EFCAB11: variants seen among roughly 807,000 people sequenced by gnomAD.
EFCAB11 encodes the protein EF-hand calcium-binding domain-containing protein 11.
A neutral mutation model predicts 23.0 loss-of-function variants in EFCAB11; 14 were observed. The observed-to-expected ratio is 0.61, with a 90% confidence interval of 0.40 to 0.95. The LOEUF (loss-of-function observed/expected upper bound fraction) is 0.95, where lower values mean the gene tolerates loss of function less well. Among genes scored for constraint, EFCAB11 ranks in the 40% least tolerant of loss-of-function variants. EFCAB11 has a pLI of 0.00. For missense variants in EFCAB11, 198 were observed against 195.8 expected, an observed-to-expected ratio of 1.01 and a Z score of -0.07; for synonymous variants, 65 against 66.6, an observed-to-expected ratio of 0.98 and a Z score of 0.11.
At chr14:89,914,760 G>A (rs1889783308) in intron 5 of EFCAB11, among the ~76,000 whole-genome samples, 1 of 152,020 alleles carries the variant, frequency 6.6e-6, no homozygotes, top group East Asian at 1.9e-4. Flanking sequence ...ACTCCAGCCT[G>A]GGCAACAGAG....
intron 5 of EFCAB11, among the ~76,000 whole-genome samples, chr14:89,870,865 G>A (rs1029831651): frequency 6.6e-5 from 10 of 152,018 alleles, no homozygotes; most frequent in East Asian, 1.9e-4. Context: ...GCTTGAACCC[G>A]GGAAGTGGAG....
At chr14:89,899,377 C>G (rs1267251778) in intron 5 of EFCAB11, among the ~76,000 whole-genome samples, 1 of 152,072 alleles carries the variant, frequency 6.6e-6, no homozygotes, top group Non-Finnish European at 1.5e-5. Flanking sequence ...CCAGGGAGAC[C>G]CCATTTACAT....
rs529564703 is a variant in EFCAB11, at chr14:89,862,321, T to A, written c.411-64997A>T. Among the ~76,000 whole-genome samples, 47 of 152,352 alleles carry A rather than the reference T, an allele frequency of 3.1e-4. No homozygotes were observed. The South Asian group carries it at 3.9e-3, about 13-fold the overall frequency. ...AACAGATACTAAAAGCATTTTTTTT[T>A]ATTAGAAAAACCACTGGGACAAAAA... On this transcript the variant is annotated intron_variant, in intron 5 of 5. Coordinates refer to ENST00000316738, the MANE Select transcript of EFCAB11 (RefSeq NM_145231.4).
chr14:89,914,640 C>T (rs1210285867), intron 5 of EFCAB11, among the ~76,000 whole-genome samples: 1 of 151,940 alleles, frequency 6.6e-6, no homozygotes, highest in Non-Finnish European at 1.5e-5. Flanking sequence ...CAAAAATTAC[C>T]CGGGCATGGT....
chr14:89,877,618 T>G (rs1888480973), intron 5 of EFCAB11, among the ~76,000 whole-genome samples: 2 of 152,316 alleles, frequency 1.3e-5, no homozygotes, highest in Admixed American at 1.3e-4. Flanking sequence ...CAGGCAGAAC[T>G]TTTTCTGTCA....
chr14:89,810,697 A>C (rs1886122339), intron 5 of EFCAB11, among the ~76,000 whole-genome samples: 1 of 149,546 alleles, frequency 6.7e-6, no homozygotes, highest in Non-Finnish European at 1.5e-5. Context: ...CAAAGGTTGC[A>C]GTGAGCTGAG....
intron 5 of EFCAB11, among the ~76,000 whole-genome samples, chr14:89,881,700 G>A (rs903812853): frequency 2.0e-5 from 3 of 151,214 alleles, no homozygotes; most frequent in Non-Finnish European, 4.4e-5. Context: ...TACCCACCTT[G>A]GCCTCACAAA....
At chr14:89,948,319 A>G (rs1566825071) in intron 3 of EFCAB11, among the ~76,000 whole-genome samples, 1 of 152,214 alleles carries the variant, frequency 6.6e-6, no homozygotes, top group Non-Finnish European at 1.5e-5. Context: ...TTTTATCCAA[A>G]AGACAGGTAA....
At chr14:89,845,878 A>C (rs1205096998) in intron 5 of EFCAB11, among the ~76,000 whole-genome samples, 1 of 152,144 alleles carries the variant, frequency 6.6e-6, no homozygotes, top group African/African-American at 2.4e-5. Context: ...CTTCCTTCAC[A>C]AACAGGAATA....
chr14:89,890,314 C>A (rs1378989694), intron 5 of EFCAB11, among the ~76,000 whole-genome samples: 1 of 151,912 alleles, frequency 6.6e-6, no homozygotes, highest in African/African-American at 2.4e-5. Flanking sequence ...AAATGATATT[C>A]AATATAAGAG....
chr14:89,931,753 G>A (rs913352710), intron 4 of EFCAB11, 122 bp from the exon 5 acceptor site: 21 of 738,222 alleles, frequency 2.8e-5, no homozygotes, highest in East Asian at 2.2e-4. Flanking sequence ...AGTAGTTTAC[G>A]ATTGATTTCA....
chr14:89,851,747 A>G (rs1008892069), intron 5 of EFCAB11, among the ~76,000 whole-genome samples: 2 of 152,220 alleles, frequency 1.3e-5, no homozygotes, highest in African/African-American at 2.4e-5. Flanking sequence ...CGTCCTGGAG[A>G]TTGGCCATCA....
At chr14:89,851,892 A>G (rs1887610959) in intron 5 of EFCAB11, among the ~76,000 whole-genome samples, 1 of 152,212 alleles carries the variant, frequency 6.6e-6, no homozygotes, top group Admixed American at 6.5e-5. Context: ...AGAGACCTAC[A>G]GGTCATAGGG....
chr14:89,930,713 T>C (rs1890359391), intron 5 of EFCAB11, among the ~76,000 whole-genome samples: 1 of 152,218 alleles, frequency 6.6e-6, no homozygotes, highest in Non-Finnish European at 1.5e-5. Flanking sequence ...CCTTCCCGAC[T>C]GTGTGGTCAA....
intron 5 of EFCAB11, among the ~76,000 whole-genome samples, chr14:89,849,184 A>G (rs927204123): frequency 3.3e-5 from 5 of 152,110 alleles, no homozygotes; most frequent in African/African-American, 1.2e-4. Context: ...GGTTCTCACA[A>G]ATGTTATGGT....
At chr14:89,836,115 G>GAGT (rs1223729579) in intron 5 of EFCAB11, among the ~76,000 whole-genome samples, 2 of 152,148 alleles carry the variant, frequency 1.3e-5, no homozygotes, top group African/African-American at 4.8e-5. Flanking sequence ...GGAAAGAAGG[G>GAGT]AGTACCACAA....
In EFCAB11 at chr14:89,838,593, A is replaced by G. The variant is rs77704113; in HGVS notation, c.411-41269T>C. On this transcript the variant is annotated intron_variant, in intron 5 of 5. Transcript: ENST00000316738. ...CAGATTAAGGGAGAAAAACAATAAC[A>G]GCATTTCACATATGTAGAAAAATAT... 3.6e-3 allele frequency among the ~76,000 whole-genome samples: 553 copies of G among 152,346 alleles called. 7 individuals carry two copies. Among genetic ancestry groups the G allele is most frequent in the African/African-American group, 0.012 (515 of 41,574 alleles).
chr14:89,811,918 A>C (rs1023210814), intron 5 of EFCAB11, among the ~76,000 whole-genome samples: 6 of 152,244 alleles, frequency 3.9e-5, no homozygotes, highest in African/African-American at 1.4e-4. Context: ...TAAGTTTTAC[A>C]AGTCTTTGAC....
At chr14:89,936,260 T>C (rs556034513) in intron 3 of EFCAB11, among the ~76,000 whole-genome samples, 1 of 152,322 alleles carries the variant, frequency 6.6e-6, no homozygotes, top group African/African-American at 2.4e-5. Context: ...TCCTGGTTCA[T>C]CGTGTAATTC....
Sources: gnomAD v4.1 joint callset for allele counts (sites outside exome capture counted in the v4.1 genomes callset) on GRCh38, gnomAD v4.1.1 for gene constraint, MANE v1.5 for transcripts, NCBI Gene and HGNC (gene_info 2026-07-23, HGNC 2026-07-21) for gene names.